The following NFIA variants were observed in gnomAD, a reference collection of about 807,000 sequenced individuals.
NFIA encodes the protein nuclear factor 1 A-type.
Under a neutral mutation model 62.8 loss-of-function variants are expected in NFIA, and 8 were observed. The observed-to-expected ratio is 0.13, with a 90% CI of 0.07 to 0.23. The LOEUF (loss-of-function observed/expected upper bound fraction) is 0.23, where lower values mean the gene tolerates loss of function less well. NFIA is among the 10% of genes least tolerant of loss of function. The pLI, the probability that NFIA is intolerant of heterozygous loss-of-function variation, is 1.00. For missense variants in NFIA, 410 were observed against 642.1 expected, an observed-to-expected ratio of 0.64 and a Z score of 3.91; for synonymous variants, 235 against 238.1, an observed-to-expected ratio of 0.99 and a Z score of 0.12.
chr1:61,131,141 T>TA (rs1169926910), intron 2 of NFIA, among the ~76,000 whole-genome samples: 4 of 149,268 alleles, frequency 2.7e-5, no homozygotes, highest in South Asian at 2.1e-4. Flanking sequence ...ACATTTCTTT[T>TA]AAAAAAAATA....
intron 3 of NFIA, among the ~76,000 whole-genome samples, chr1:61,281,946 G>A (rs923132931): frequency 1.3e-5 from 2 of 152,088 alleles, no homozygotes; most frequent in Admixed American, 6.5e-5. Context: ...TATTTTTGGA[G>A]TATCTGTTCA....
intron 2 of NFIA, among the ~76,000 whole-genome samples, chr1:61,221,097 C>G (rs961640132): frequency 6.6e-6 from 1 of 151,948 alleles, no homozygotes; most frequent in Non-Finnish European, 1.5e-5. Flanking sequence ...TATAGCTTCC[C>G]CAAAACATAG....
Position 61,303,350 on chromosome 1 carries a change from A to G in NFIA, c.625+25765A>G, listed in dbSNP as rs148023459. On this transcript the variant is annotated intron_variant, in intron 3 of 10. Transcript: ENST00000403491. ...GGAGCTTACCTTCTAGTTGATGGAG[A>G]CAGATAATTAAAATATCAATGAGAA... Among the ~76,000 whole-genome samples, 14 of 152,356 alleles carry G rather than the reference A, an allele frequency of 9.2e-5. No homozygotes were observed. The East Asian group carries it at 2.3e-3, about 25-fold the overall frequency.
chr1:61,166,064 T>C (rs1649544431), intron 2 of NFIA, among the ~76,000 whole-genome samples: 3 of 152,192 alleles, frequency 2.0e-5, no homozygotes, highest in Admixed American at 2.0e-4. Context: ...CTAGTTAGGA[T>C]TAAAAATAAA....
chr1:61,187,818 T>C (rs1651306761), intron 2 of NFIA, among the ~76,000 whole-genome samples: 1 of 152,206 alleles, frequency 6.6e-6, no homozygotes, highest in Non-Finnish European at 1.5e-5. Context: ...AGGGCAGGTC[T>C]CATCACAGCC....
At chr1:61,358,379 C>CTTTTTTTTTTTTTTTTTTTTTTTT (rs34853369) in intron 5 of NFIA, among the ~76,000 whole-genome samples, 29 of 52,614 alleles carry the variant, frequency 5.5e-4, no homozygotes, top group East Asian at 1.3e-3. Flanking sequence ...TTCTTTCTTT[C>CTTTTTTTTTTTTTTTTTTTTTTTT]TTTTTTTTTT....
chr1:61,241,989 G>A (rs1165262734), intron 2 of NFIA, among the ~76,000 whole-genome samples: 1 of 152,164 alleles, frequency 6.6e-6, no homozygotes, highest in Non-Finnish European at 1.5e-5. Context: ...TTCGGGCTGT[G>A]CCTTTTTGTA....
intron 2 of NFIA, among the ~76,000 whole-genome samples, chr1:61,127,732 A>G (rs988146479): frequency 1.3e-5 from 2 of 152,146 alleles, no homozygotes; most frequent in African/African-American, 2.4e-5. Flanking sequence ...AGAGACTGCA[A>G]TATTGTTATA....
rs1553183273 is a variant in NFIA, at chr1:61,406,553, C to CCG, written c.1255-8_1255-7insGC. The CCG allele has an allele frequency of 1.5e-6, 2 of 1,319,338 alleles. No homozygotes were observed. Among genetic ancestry groups the CCG allele is most frequent in the Non-Finnish European group, 2.0e-6 (2 of 981,194 alleles). 81.7% of individuals were successfully genotyped at this position (1,319,338 alleles called of 1,614,324 possible). ...GTACGTGTGTTTTCTGCCCCCCCCC[C>CCG]CCCCACAGCCCAATGGGAGCAGCCA... is the stretch of plus-strand genomic sequence containing the variant. On this transcript the variant is annotated splice_polypyrimidine_tract_variant and intron_variant, in intron 8 of 10. Coordinates refer to ENST00000403491, the MANE Select transcript of NFIA (RefSeq NM_001134673.4).
intron 2 of NFIA, among the ~76,000 whole-genome samples, chr1:61,099,233 G>T (rs928653080): frequency 2.0e-5 from 3 of 152,182 alleles, no homozygotes; most frequent in Admixed American, 6.5e-5. Context: ...TTTATGTGCG[G>T]TTGAATCTTG....
At chr1:61,376,643 C>A (rs1248077544) in intron 6 of NFIA, among the ~76,000 whole-genome samples, 1 of 152,090 alleles carries the variant, frequency 6.6e-6, no homozygotes, top group Non-Finnish European at 1.5e-5. Flanking sequence ...CTGATATACC[C>A]TTCCTTTTTT....
intron 2 of NFIA, among the ~76,000 whole-genome samples, chr1:61,260,684 C>T (rs1656710857): frequency 6.6e-6 from 1 of 152,164 alleles, no homozygotes; most frequent in Non-Finnish European, 1.5e-5. Context: ...GGGTTCATGC[C>T]ATTCTCCTGC....
In NFIA at chr1:61,393,731, T is replaced by A. The variant is rs1202140074; in HGVS notation, c.1075+10366T>A. 2.6e-5 allele frequency among the ~76,000 whole-genome samples: 4 copies of A among 151,682 alleles called. No homozygotes were observed. In the South Asian group the frequency reaches 8.4e-4, roughly 32 times the overall value. ...AGAGCTCTGTTTCCAGAAGAAGGGGTGAAGAACTGCTGGGCAGGCAAAAAT... is the reference window on the plus strand; with the variant it reads ...AGAGCTCTGTTTCCAGAAGAAGGGGAGAAGAACTGCTGGGCAGGCAAAAAT... On this transcript the variant is annotated intron_variant, in intron 7 of 10. Coordinates refer to ENST00000403491, the MANE Select transcript of NFIA (RefSeq NM_001134673.4).
chr1:61,078,198 A>G (rs1309540275), upstream of NFIA, among the ~76,000 whole-genome samples: 1 of 152,034 alleles, frequency 6.6e-6, no homozygotes, highest in African/African-American at 2.4e-5. Flanking sequence ...GTGTGGTTCA[A>G]GCTGTCAAAG....
intron 10 of NFIA, among the ~76,000 whole-genome samples, chr1:61,448,359 G>A (rs79940514): frequency 0.055 from 8,342 of 152,228 alleles, 351 homozygotes; most frequent in Non-Finnish European, 0.078. Context: ...AATTGACGCA[G>A]CTGCTACTTT....
At chr1:61,214,663 G>T in intron 2 of NFIA, among the ~76,000 whole-genome samples, 1 of 152,132 alleles carries the variant, frequency 6.6e-6, no homozygotes, top group East Asian at 1.9e-4. Flanking sequence ...CTGGATATAT[G>T]ACAAGACCTC....
chr1:61,289,033 G>A (rs777094080), intron 3 of NFIA, among the ~76,000 whole-genome samples: 9 of 152,326 alleles, frequency 5.9e-5, no homozygotes, highest in Non-Finnish European at 1.2e-4. Context: ...ACCTCTCAAA[G>A]TGCTGGGGTC....
intron 2 of NFIA, among the ~76,000 whole-genome samples, chr1:61,101,138 G>A (rs917487102): frequency 1.3e-5 from 2 of 152,066 alleles, no homozygotes; most frequent in Admixed American, 6.5e-5. Context: ...GCTCATGCCT[G>A]TAATCCCGGC....
intron 2 of NFIA, among the ~76,000 whole-genome samples, chr1:61,134,044 T>G (rs1248432734): frequency 6.6e-6 from 1 of 151,498 alleles, no homozygotes; most frequent in Non-Finnish European, 1.5e-5. Context: ...GAGAATCGCT[T>G]GAATCCAGGA....
Sources: gnomAD v4.1 joint callset for allele counts (sites outside exome capture counted in the v4.1 genomes callset) on GRCh38, gnomAD v4.1.1 for gene constraint, MANE v1.5 for transcripts, NCBI Gene and HGNC (gene_info 2026-07-23, HGNC 2026-07-21) for gene names.